The following OR6N1 variants were observed in gnomAD, a reference collection of about 807,000 sequenced individuals.
The protein encoded by OR6N1 is olfactory receptor family 6 subfamily N member 1.
For missense variants in OR6N1, 394 were observed against 371.7 expected (o/e 1.06, Z -0.49); for synonymous variants, 170 against 150.7 (o/e 1.13, Z -0.94).
chr1:158,809,444 G>C, the OR6N1 span: 1 of 152,212 alleles, frequency 6.6e-6, no homozygotes, highest in Non-Finnish European at 1.5e-5. Flanking sequence ...TCTAATCAAT[G>C]TTCCTCACTT....
At chr1:158,813,335 T>C in the OR6N1 span, among the ~76,000 whole-genome samples, 1 of 152,094 alleles carries the variant, frequency 6.6e-6, no homozygotes, top group Non-Finnish European at 1.5e-5. Flanking sequence ...GTAGTTCTGC[T>C]TTTTGTAATA....
chr1:158,805,310 C>T, the OR6N1 span, among the ~76,000 whole-genome samples: 5 of 152,186 alleles, frequency 3.3e-5, no homozygotes, highest in African/African-American at 1.2e-4. Context: ...AGTCAATATC[C>T]AATTGTCACC....
At chr1:158,825,883 C>A in the OR6N1 span, among the ~76,000 whole-genome samples, 1 of 152,184 alleles carries the variant, frequency 6.6e-6, no homozygotes, top group Non-Finnish European at 1.5e-5. Context: ...CCTAAACATT[C>A]ATCAATGGTA....
At chr1:158,767,676 C>A (rs1013323858) in intron 1 of OR6N1, among the ~76,000 whole-genome samples, 1 of 152,152 alleles carries the variant, frequency 6.6e-6, no homozygotes, top group African/African-American at 2.4e-5. Context: ...AATGTAAAAA[C>A]ATGCTATTAT....
the OR6N1 span, among the ~76,000 whole-genome samples, chr1:158,784,049 T>C: frequency 6.6e-6 from 1 of 152,002 alleles, no homozygotes. Context: ...GAGCTTGCAG[T>C]GAGCCGAGAT....
chr1:158,789,441 A>C, the OR6N1 span, among the ~76,000 whole-genome samples: 2 of 152,192 alleles, frequency 1.3e-5, no homozygotes, highest in African/African-American at 4.8e-5. Context: ...TGGCTGTACT[A>C]ATTTAAATTC....
the OR6N1 span, among the ~76,000 whole-genome samples, chr1:158,784,133 T>A: frequency 6.6e-6 from 1 of 151,974 alleles, no homozygotes; most frequent in East Asian, 1.9e-4. Flanking sequence ...AAGGCTAGTC[T>A]GACTCCTCCA....
At chr1:158,806,970 T>A in the OR6N1 span, among the ~76,000 whole-genome samples, 3 of 124,394 alleles carry the variant, frequency 2.4e-5, no homozygotes, top group African/African-American at 3.2e-5. Context: ...GCCATTGCAC[T>A]CCAGCCTGGG....
the OR6N1 span, among the ~76,000 whole-genome samples, chr1:158,793,940 C>T: frequency 1.1e-4 from 17 of 152,138 alleles, no homozygotes; most frequent in Non-Finnish European, 1.5e-4. Flanking sequence ...TCCCAGCCAT[C>T]GGAAAATTGA....
intron 1 of OR6N1, among the ~76,000 whole-genome samples, chr1:158,769,795 G>T (rs74122464): frequency 1.3e-5 from 2 of 152,052 alleles, no homozygotes; most frequent in African/African-American, 4.8e-5. Context: ...AACTACTTCC[G>T]GGCCAAACTT....
chr1:158,828,469 T>G, the OR6N1 span, among the ~76,000 whole-genome samples: 1 of 152,160 alleles, frequency 6.6e-6, no homozygotes, highest in Non-Finnish European at 1.5e-5. Context: ...AGTCAAATCT[T>G]AAAGCTTCAA....
chr1:158,823,703 A>G, the OR6N1 span, among the ~76,000 whole-genome samples: 10 of 148,526 alleles, frequency 6.7e-5, no homozygotes, highest in South Asian at 1.0e-3. Context: ...TTTGTGTATC[A>G]GTTTCCTTTA....
At chr1:158,796,892 T>TG in the OR6N1 span, among the ~76,000 whole-genome samples, 1 of 151,918 alleles carries the variant, frequency 6.6e-6, no homozygotes, top group African/African-American at 2.4e-5. Context: ...TTTTTTTTTT[T>TG]TGTAGGTCAC....
the OR6N1 span, among the ~76,000 whole-genome samples, chr1:158,784,063 G>A: frequency 3.3e-5 from 5 of 151,940 alleles, no homozygotes; most frequent in Admixed American, 6.6e-5. Flanking sequence ...CCGAGATCTC[G>A]CCACTGCACT....
chr1:158,825,305 G>C, the OR6N1 span, among the ~76,000 whole-genome samples: 7 of 152,060 alleles, frequency 4.6e-5, no homozygotes, highest in African/African-American at 1.7e-4. Flanking sequence ...CAGGCATGGT[G>C]GTGGGCGCCT....
At chr1:158,814,097 T>C in the OR6N1 span, among the ~76,000 whole-genome samples, 1 of 152,204 alleles carries the variant, frequency 6.6e-6, no homozygotes, top group South Asian at 2.1e-4. Flanking sequence ...AGTTAAATGC[T>C]TCTTGTCCCG....
At chr1:158,778,263 G>A in the OR6N1 span, among the ~76,000 whole-genome samples, 2 of 152,186 alleles carry the variant, frequency 1.3e-5, no homozygotes. Flanking sequence ...TAGAGAAGCA[G>A]ACATCTCAAT....
At chr1:158,814,789 T>C in the OR6N1 span, among the ~76,000 whole-genome samples, 1 of 152,198 alleles carries the variant, frequency 6.6e-6, no homozygotes, top group Non-Finnish European at 1.5e-5. Context: ...ATTTACTCTA[T>C]AGCATAACCT....
In OR6N1 at chr1:158,766,103, T is replaced by C. The variant is rs1361573191; in HGVS notation, c.580A>G (p.Ile194Val). 6.2e-7 allele frequency: 1 copy of C among 1,614,132 alleles called. No individual in the cohort carries two copies. Among genetic ancestry groups the C allele is most frequent in the Non-Finnish European group, 8.5e-7 (1 of 1,180,018 alleles). ...VLSLACTDTS[I>V]NVLVDFVINS... is the part of the protein sequence containing the mutation. The stretch of plus-strand genomic sequence containing the variant: ...ATAACAAAATCTACTAGGACATTTA[T>C]AGACGTATCAGTGCAAGCCAAACTC... Residue 194 changes from isoleucine to valine, a missense_variant, in exon 2 of 2, where the codon ATA (isoleucine) becomes GTA (valine). By Grantham distance (29) the Ile-to-Val change is conservative. Coordinates refer to ENST00000641846, the MANE Select transcript of OR6N1 (RefSeq NM_001005185.2).
Sources: gnomAD v4.1 joint callset for allele counts (sites outside exome capture counted in the v4.1 genomes callset) on GRCh38, gnomAD v4.1.1 for gene constraint, MANE v1.5 for transcripts, NCBI Gene and HGNC (gene_info 2026-07-23, HGNC 2026-07-21) for gene names.